Variants in SHISAL2A observed in about 807,000 individuals in gnomAD.
The protein encoded by SHISAL2A is protein shisa-like-2A.
A neutral mutation model predicts 11.5 loss-of-function variants in SHISAL2A; 18 were observed. The ratio of observed to expected loss-of-function variants is 1.57; its 90% CI spans 1.08 to 2.33. The LOEUF (loss-of-function observed/expected upper bound fraction) is 2.33, where lower values mean the gene tolerates loss of function less well. SHISAL2A is among the 30% of genes most tolerant of loss of function. SHISAL2A has a pLI of 0.00. For synonymous variants in SHISAL2A, 94 were observed against 99.6 expected (o/e 0.94, Z 0.34); for missense variants, 261 against 250.9 (o/e 1.04, Z -0.27).
At chr1:52,635,565 G>A (rs939474698) in intron 1 of SHISAL2A, among the ~76,000 whole-genome samples, 17 of 152,052 alleles carry the variant, frequency 1.1e-4, no homozygotes, top group African/African-American at 4.1e-4. Flanking sequence ...TGGTCCAGGT[G>A]GCACCAACTG....
intron 1 of SHISAL2A, among the ~76,000 whole-genome samples, chr1:52,635,437 C>T (rs1460599279): frequency 6.6e-6 from 1 of 151,370 alleles, no homozygotes; most frequent in African/African-American, 2.4e-5. Flanking sequence ...TAGGGAATGC[C>T]AATTGGTTGG....
At chr1:52,652,510 A>G (rs898074122) in intron 2 of SHISAL2A, among the ~76,000 whole-genome samples, 3 of 152,110 alleles carry the variant, frequency 2.0e-5, no homozygotes, top group African/African-American at 7.2e-5. Context: ...ATGGAAGGTA[A>G]TCAGGAAAAG....
intron 2 of SHISAL2A, among the ~76,000 whole-genome samples, chr1:52,645,017 CAA>C (rs752980005): frequency 4.5e-4 from 31 of 69,384 alleles, no homozygotes; most frequent in Admixed American, 3.5e-4. Flanking sequence ...ACTCTGTCTC[CAA>C]AAAAAAAAAA....
At chr1:52,662,651 C>G (rs1039509076) in intron 4 of SHISAL2A, among the ~76,000 whole-genome samples, 3 of 151,916 alleles carry the variant, frequency 2.0e-5, no homozygotes, top group South Asian at 2.1e-4. Flanking sequence ...GCCCCCCCAC[C>G]CTTTCTGTTT....
At chr1:52,643,365 T>C (rs1691414259) in intron 2 of SHISAL2A, among the ~76,000 whole-genome samples, 1 of 152,230 alleles carries the variant, frequency 6.6e-6, no homozygotes, top group South Asian at 2.1e-4. Flanking sequence ...TCCAAACTCA[T>C]AATTTATCAG....
At position 52,633,685 on chromosome 1, in the gene SHISAL2A, C is replaced by A; in HGVS notation, c.182+10C>A. On this transcript the variant is annotated intron_variant, in intron 1 of 2. Coordinates refer to ENST00000517870, the MANE Select transcript of SHISAL2A (RefSeq NM_001042693.3). This position sits in a 1 kb window ranked among gnomAD's most constrained non-coding sequence, Gnocchi z 6.4. Reference sequence around the variant, plus strand: ...ACATGTGGTGGCTCAGGTACCGTCCCTGGCCCTCACCCTACCTTGAACCCC... The same window carrying A: ...ACATGTGGTGGCTCAGGTACCGTCCATGGCCCTCACCCTACCTTGAACCCC... 6.3e-7 allele frequency: 1 copy of A among 1,596,272 alleles called. No individual in the cohort carries two copies. Among genetic ancestry groups the A allele is most frequent in the Non-Finnish European group, 8.5e-7 (1 of 1,171,588 alleles).
chr1:52,665,291 T>G (rs574322852), intron 4 of SHISAL2A, among the ~76,000 whole-genome samples: 1 of 152,328 alleles, frequency 6.6e-6, no homozygotes, highest in South Asian at 2.1e-4. Flanking sequence ...TGTGGAATCT[T>G]GAGCCTGATT....
At chr1:52,663,760 TA>T (rs200757318) in intron 4 of SHISAL2A, among the ~76,000 whole-genome samples, 2 of 151,038 alleles carry the variant, frequency 1.3e-5, no homozygotes, top group Non-Finnish European at 3.0e-5. Flanking sequence ...AAACTGCGTC[TA>T]AAAAAAAAGA....
At chr1:52,642,494 C>T (rs1000538118) in intron 1 of SHISAL2A, among the ~76,000 whole-genome samples, 3 of 150,502 alleles carry the variant, frequency 2.0e-5, no homozygotes, top group Non-Finnish European at 4.4e-5. Flanking sequence ...GGCACGATCT[C>T]GGCTCACTGC....
chr1:52,648,972 C>G (rs1691566082), intron 2 of SHISAL2A, among the ~76,000 whole-genome samples: 1 of 152,196 alleles, frequency 6.6e-6, no homozygotes, highest in African/African-American at 2.4e-5. Context: ...GAATTTGAGA[C>G]AGCATGTCCT....
chr1:52,645,608 C>T (rs950833729), intron 2 of SHISAL2A, among the ~76,000 whole-genome samples: 6 of 152,142 alleles, frequency 3.9e-5, no homozygotes, highest in African/African-American at 9.7e-5. Context: ...GGAGTTTCAC[C>T]GTCCTGCTCA....
chr1:52,641,923 C>G (rs888585496), intron 1 of SHISAL2A, among the ~76,000 whole-genome samples: 1 of 151,904 alleles, frequency 6.6e-6, no homozygotes, highest in Non-Finnish European at 1.5e-5. Context: ...GGCAACATGG[C>G]AAAACCCCAT....
At chr1:52,640,681 G>A (rs909664705) in intron 1 of SHISAL2A, among the ~76,000 whole-genome samples, 6 of 151,338 alleles carry the variant, frequency 4.0e-5, no homozygotes, top group Non-Finnish European at 8.8e-5. Context: ...AGCTCCTAAA[G>A]CCCTTGTAGA....
At chr1:52,666,376 C>A (rs1692013824) in intron 4 of SHISAL2A, among the ~76,000 whole-genome samples, 1 of 152,062 alleles carries the variant, frequency 6.6e-6, no homozygotes, top group African/African-American at 2.4e-5. Flanking sequence ...CACTTGAACC[C>A]AGGAGGCGGA....
downstream of SHISAL2A, among the ~76,000 whole-genome samples, chr1:52,661,704 A>T (rs1558095079): frequency 6.6e-6 from 1 of 152,094 alleles, no homozygotes; most frequent in African/African-American, 2.4e-5. Context: ...TTGACTGAAG[A>T]CACACTGTGG....
rs1225901815 is a variant in SHISAL2A at position 52,633,524 on chromosome 1, G to T, written c.31G>T (p.Ala11Ser). The T allele has an allele frequency of 6.3e-7, 1 of 1,586,688 alleles. No individual in the cohort carries two copies. Among genetic ancestry groups the T allele is most frequent in the Non-Finnish European group, 8.6e-7 (1 of 1,169,182 alleles). Residue 11 changes from alanine to serine, a missense_variant, in exon 1 of 3, where the codon GCA becomes TCA. By Grantham distance (99) the Ala-to-Ser change is moderately conservative (BLOSUM62 1). Coordinates refer to ENST00000517870, the MANE Select transcript of SHISAL2A (RefSeq NM_001042693.3). This position sits in a 1 kb window ranked among gnomAD's most constrained non-coding sequence, Gnocchi z 6.4. MSGACTSYVSAEQEVVRGFSC... is the reference protein window; with the variant it reads MSGACTSYVSSEQEVVRGFSC... ...CGGCGCCTGCACGAGCTACGTGAGC[G>T]CAGAGCAGGAGGTGGTGCGCGGCTT...
At chr1:52,654,176 G>T (rs1691736605) in intron 2 of SHISAL2A, among the ~76,000 whole-genome samples, 1 of 152,034 alleles carries the variant, frequency 6.6e-6, no homozygotes. Flanking sequence ...CTCTCAAAGT[G>T]TGGGGATTAC....
chr1:52,632,813 G>T (rs535415885), upstream of SHISAL2A, among the ~76,000 whole-genome samples: 1 of 152,328 alleles, frequency 6.6e-6, no homozygotes, highest in Non-Finnish European at 1.5e-5. Flanking sequence ...GCCGCCCCCG[G>T]TTAAAATCTC....
rs540575573 is a variant in SHISAL2A at position 52,645,442 on chromosome 1, C to T, written c.322+2440C>T. On this transcript the variant is annotated intron_variant, in intron 2 of 2. Coordinates refer to ENST00000517870, the MANE Select transcript of SHISAL2A (RefSeq NM_001042693.3). ...GTTTTGTTTGAGACAAGGTCTCACT[C>T]CAGTTGCCCAGGCTGGAATGCAGTG... is the stretch of plus-strand genomic sequence containing the variant. Among the ~76,000 whole-genome samples the T allele has an allele frequency of 2.6e-3, 260 of 98,382 alleles. 1 individual carries two copies. Among genetic ancestry groups the T allele is most frequent in the African/African-American group, 7.3e-3 (249 of 34,092 alleles). The allele number at this position is 98,382 out of a possible 152,430, so 64.5% of individuals were successfully genotyped here.
Sources: gnomAD v4.1 joint callset for allele counts (sites outside exome capture counted in the v4.1 genomes callset) on GRCh38, gnomAD v4.1.1 for gene constraint, Gnocchi (gnomAD v3.1) non-coding constraint, MANE v1.5 for transcripts, NCBI Gene and HGNC (gene_info 2026-07-23, HGNC 2026-07-21) for gene names.